The following QTMAN variants were observed in gnomAD, a reference collection of about 807,000 sequenced individuals.
The protein encoded by QTMAN is queuosine-tRNA mannosyltransferase.
chr2:144,250,189 G>A, the QTMAN span, among the ~76,000 whole-genome samples: 3 of 151,084 alleles, frequency 2.0e-5, no homozygotes. Context: ...AGGCTGGAGT[G>A]GAATGGAGCC....
At chr2:144,076,452 C>T in the QTMAN span, among the ~76,000 whole-genome samples, 5 of 152,042 alleles carry the variant, frequency 3.3e-5, no homozygotes, top group Non-Finnish European at 7.4e-5. Context: ...CAAGCAAATG[C>T]CACATACCTG....
chr2:144,266,258 G>A, the QTMAN span, among the ~76,000 whole-genome samples: 1 of 152,122 alleles, frequency 6.6e-6, no homozygotes, highest in Non-Finnish European at 1.5e-5. Context: ...GGATTAAGTA[G>A]CAAAATGAAG....
chr2:144,187,928 C>A, the QTMAN span, among the ~76,000 whole-genome samples: 1 of 151,928 alleles, frequency 6.6e-6, no homozygotes, highest in African/African-American at 2.4e-5. Context: ...TAAAAAAGGA[C>A]ACACACACAC....
chr2:144,040,453 A>G, the QTMAN span, among the ~76,000 whole-genome samples: 124 of 152,104 alleles, frequency 8.2e-4, 1 homozygote, highest in East Asian at 0.023. Flanking sequence ...TGTTTGCCCT[A>G]CTTGGAGGTC....
chr2:144,226,469 C>A, the QTMAN span, among the ~76,000 whole-genome samples: 1 of 152,132 alleles, frequency 6.6e-6, no homozygotes, highest in Non-Finnish European at 1.5e-5. Flanking sequence ...ACTACCAATA[C>A]CCAATTCTGA....
chr2:144,309,341 T>C, the QTMAN span, among the ~76,000 whole-genome samples: 7 of 151,164 alleles, frequency 4.6e-5, no homozygotes, highest in Middle Eastern at 3.4e-3. Flanking sequence ...TCATTCACTA[T>C]AGGCAAAAAA....
At chr2:143,991,513 G>T in the QTMAN span, among the ~76,000 whole-genome samples, 1 of 148,014 alleles carries the variant, frequency 6.8e-6, no homozygotes, top group African/African-American at 2.5e-5. Flanking sequence ...CTACTGGGAA[G>T]TGAGGAGCCC....
chr2:144,188,508 CGGATGGATGGAT>C, the QTMAN span, among the ~76,000 whole-genome samples: 119 of 148,744 alleles, frequency 8.0e-4, 1 homozygote, highest in African/African-American at 1.9e-3. Flanking sequence ...CTTTTGCAAT[CGGATGGATGGAT>C]GGATGGATGG....
the QTMAN span, among the ~76,000 whole-genome samples, chr2:144,133,457 A>T: frequency 1.2e-3 from 46 of 39,578 alleles, no homozygotes; most frequent in African/African-American, 3.3e-3. Context: ...ATAATATATA[A>T]TATATATTAT....
chr2:143,989,646 C>A, the QTMAN span, among the ~76,000 whole-genome samples: 2 of 152,122 alleles, frequency 1.3e-5, no homozygotes, highest in Non-Finnish European at 2.9e-5. Context: ...TGGAGATACC[C>A]ACACATATAC....
the QTMAN span, among the ~76,000 whole-genome samples, chr2:144,207,252 T>C: frequency 6.6e-6 from 1 of 152,218 alleles, no homozygotes; most frequent in Non-Finnish European, 1.5e-5. Context: ...TTTAAAATCC[T>C]AAGCCATGTA....
At chr2:144,244,469 T>C in the QTMAN span, among the ~76,000 whole-genome samples, 1 of 152,208 alleles carries the variant, frequency 6.6e-6, no homozygotes. Flanking sequence ...AAGAAACATG[T>C]GTGACTTCTT....
the QTMAN span, among the ~76,000 whole-genome samples, chr2:144,302,392 T>TC: frequency 2.0e-5 from 3 of 152,286 alleles, no homozygotes; most frequent in Non-Finnish European, 4.4e-5. Flanking sequence ...AATCTCCCTG[T>TC]CTTTACTGAA....
the QTMAN span, among the ~76,000 whole-genome samples, chr2:144,233,001 T>C: frequency 6.6e-6 from 1 of 152,182 alleles, no homozygotes; most frequent in African/African-American, 2.4e-5. Flanking sequence ...TTTATTTTAA[T>C]GGAAGTTCAC....
At chr2:144,193,594 C>T in the QTMAN span, among the ~76,000 whole-genome samples, 1 of 151,694 alleles carries the variant, frequency 6.6e-6, no homozygotes, top group African/African-American at 2.4e-5. Context: ...GATCGTAGCT[C>T]ATTATAACCT....
At chr2:143,972,467 G>T in the QTMAN span, among the ~76,000 whole-genome samples, 7 of 151,084 alleles carry the variant, frequency 4.6e-5, no homozygotes, top group South Asian at 8.4e-4. Context: ...TTTATTTTTG[G>T]TATTAAAGTA....
chr2:144,074,152 T>C, the QTMAN span, among the ~76,000 whole-genome samples: 38 of 152,286 alleles, frequency 2.5e-4, no homozygotes, highest in African/African-American at 8.9e-4. Context: ...TCAATGTAAA[T>C]ATAAACAATT....
the QTMAN span, chr2:144,178,315 G>GAC: frequency 6.6e-6 from 1 of 151,944 alleles, no homozygotes; most frequent in East Asian, 1.9e-4. Flanking sequence ...CAAATGAGAT[G>GAC]ACACACACAT....
the QTMAN span, chr2:143,945,623 T>C: frequency 6.6e-6 from 1 of 152,256 alleles, no homozygotes; most frequent in Non-Finnish European, 1.5e-5. Flanking sequence ...GCTTTCTTTA[T>C]CTTAGATGCC....
Sources: allele counts gnomAD v4.1 joint callset (sites outside exome capture counted in the v4.1 genomes callset), GRCh38; gene constraint gnomAD v4.1.1; transcripts MANE v1.5; gene names NCBI Gene and HGNC (gene_info 2026-07-23, HGNC 2026-07-21).